The following ESCO1 variants were observed in gnomAD, a reference collection of about 807,000 sequenced individuals.
The protein encoded by ESCO1 is N-acetyltransferase ESCO1.
ESCO1 carries 33 observed loss-of-function variants against 83.5 expected under a neutral mutation model. The observed-to-expected ratio is 0.40, with a 90% CI of 0.30 to 0.53. ESCO1 has a LOEUF of 0.53. Ranked by LOEUF, ESCO1 falls within the 20% of genes least tolerant of loss-of-function variation. ESCO1 has a pLI of 0.63. For missense variants in ESCO1, 855 were observed against 968.0 expected (o/e 0.88, Z 1.55); for synonymous variants, 332 against 324.3 (o/e 1.02, Z -0.25).
intron 2 of ESCO1, among the ~76,000 whole-genome samples, chr18:21,581,917 T>TAA (rs758873985): frequency 1.6e-5 from 2 of 124,682 alleles, no homozygotes; most frequent in Non-Finnish European, 3.4e-5. Flanking sequence ...TCATCTATAC[T>TAA]AAAAAAAAAA....
At chr18:21,545,590 T>C (rs1440344800) in intron 8 of ESCO1, among the ~76,000 whole-genome samples, 1 of 150,208 alleles carries the variant, frequency 6.7e-6, no homozygotes, top group East Asian at 2.0e-4. Flanking sequence ...AAAAAAAAAT[T>C]TACTAAAGGA....
chr18:21,559,025 A>C (rs550021213), intron 8 of ESCO1, among the ~76,000 whole-genome samples: 2 of 152,354 alleles, frequency 1.3e-5, no homozygotes, highest in Admixed American at 1.3e-4. Context: ...GTCACAACCC[A>C]AAATCTAGAA....
At position 21,574,133 on chromosome 18, in the gene ESCO1, C is replaced by T. The variant is rs2038382752; in HGVS notation, c.711G>A (p.Thr237=). 3.7e-6 allele frequency: 6 copies of T among 1,613,726 alleles called. No homozygotes were observed. The highest frequency in any genetic ancestry group is 1.1e-5 in the South Asian group (1 of 91,074). ...CCTCAGAAGTTACAGGCACAGGTTT[C>T]GTTTCGTCTCTTCTAGTAGTCTTCT... is the stretch of plus-strand genomic sequence containing the variant. ...CPQKTTRRDE[T]KPVPVTSEVK... Residue 237 remains threonine (T), a synonymous_variant, in exon 4 of 12, where the codon ACG becomes ACA. Transcript: ENST00000269214.
At position 21,564,268 on chromosome 18, in the gene ESCO1, T is replaced by A. The variant is rs556678584; in HGVS notation, c.1756A>T (p.Ile586Leu). 1 of 1,612,474 alleles carries A rather than the reference T, an allele frequency of 6.2e-7. No homozygotes were observed. Among genetic ancestry groups the A allele is most frequent in the Admixed American group, 1.7e-5 (1 of 59,886 alleles). Residue 586 changes from isoleucine (I) to leucine (L), a missense_variant, in exon 7 of 12, where the codon ATA (isoleucine) becomes TTA (leucine). Ile to Leu is a conservative substitution (Grantham distance 5). Coordinates refer to ENST00000269214, the MANE Select transcript of ESCO1 (RefSeq NM_052911.3). ...AGTTTCAAGTCCTTTGGAATTGTTA[T>A]CTCCAAATGGGAATTACACTTAGGC... ...SLPKCNSHLE[I>L]TIPKDLKLKE...
At chr18:21,579,794 G>GCGCGCGCACACA (rs1192534759) in intron 2 of ESCO1, among the ~76,000 whole-genome samples, 6 of 37,124 alleles carry the variant, frequency 1.6e-4, no homozygotes, top group Admixed American at 5.2e-4. Context: ...ACGCGCGCGC[G>GCGCGCGCACACA]CACACACACA....
chr18:21,595,005 C>T (rs933408427), intron 1 of ESCO1, among the ~76,000 whole-genome samples: 19 of 147,770 alleles, frequency 1.3e-4, no homozygotes, highest in Admixed American at 1.2e-3. Flanking sequence ...AGAGCACCAC[C>T]ATGTCTGGCT....
In ESCO1 at chr18:21,573,631, T is replaced by G. The variant is rs751944040; in HGVS notation, c.1213A>C (p.Asn405His). 6.2e-7 allele frequency: 1 copy of G among 1,614,154 alleles called. No individual in the cohort carries two copies. The highest frequency in any genetic ancestry group is 8.5e-7 in the Non-Finnish European group (1 of 1,180,028). Residue 405 changes from asparagine to histidine, a missense_variant, in exon 4 of 12, where the codon AAT becomes CAT. Asn to His is a moderately conservative substitution (Grantham distance 68, BLOSUM62 1). Around this residue, in one of 2 missense-constraint regions of ESCO1, gnomAD observed 726 missense variants for 699.5 expected, o/e 1.04. Coordinates refer to ENST00000269214, the MANE Select transcript of ESCO1 (RefSeq NM_052911.3). ...GGGGAAACTTGAGAGTCCAACTTAT[T>G]GTGCTGCACAGAGTTAAATTTTGAG... ...KLSKFNSVQH[N>H]KLDSQVSPKL...
In ESCO1 at chr18:21,540,833, G is replaced by A. The variant is rs73425798; in HGVS notation, c.1954-824C>T. 1,546 of 738,660 alleles carry A rather than the reference G, an allele frequency of 2.1e-3. 23 individuals carry two copies. The African/African-American group carries it at 0.028, about 14-fold the overall frequency. The allele number at this position is 738,660 out of a possible 1,614,324, so 45.8% of individuals were successfully genotyped here. On this transcript the variant is annotated intron_variant, in intron 8 of 11. Coordinates refer to ENST00000269214, the MANE Select transcript of ESCO1 (RefSeq NM_052911.3). ...ATGAGCTTAACTAGTTGTTCCAGTT[G>A]TCTTAACCCAACCAACTTTACATAA...
intron 1 of ESCO1, among the ~76,000 whole-genome samples, chr18:21,589,761 A>G (rs2038636323): frequency 6.6e-6 from 1 of 152,162 alleles, no homozygotes. Flanking sequence ...TCTACCGAGA[A>G]CATCAGACCT....
At chr18:21,531,751 C>G (rs913731103) in intron 11 of ESCO1, among the ~76,000 whole-genome samples, 1 of 151,696 alleles carries the variant, frequency 6.6e-6, no homozygotes, top group East Asian at 2.0e-4. Flanking sequence ...ACCAGGAGTT[C>G]GAGAGGTGGT....
intron 2 of ESCO1, 142 bp from the exon 3 acceptor site, chr18:21,575,919 C>T (rs899905175): frequency 1.5e-5 from 6 of 389,356 alleles, no homozygotes; most frequent in East Asian, 3.7e-5. Flanking sequence ...TCATATTACA[C>T]GTACAGTATT....
At chr18:21,541,660 A>G (rs2037910092) in intron 8 of ESCO1, among the ~76,000 whole-genome samples, 1 of 151,802 alleles carries the variant, frequency 6.6e-6, no homozygotes, top group Admixed American at 6.6e-5. Flanking sequence ...TAGGTAAACA[A>G]TTTTTAGAAG....
intron 10 of ESCO1, among the ~76,000 whole-genome samples, chr18:21,534,489 G>A (rs962142257): frequency 6.6e-6 from 1 of 152,174 alleles, no homozygotes; most frequent in Admixed American, 6.5e-5. Flanking sequence ...TCTTAGAATG[G>A]TCTCGGCAGT....
intron 8 of ESCO1, among the ~76,000 whole-genome samples, chr18:21,558,726 C>CAAAA (rs59435992): frequency 2.3e-5 from 2 of 87,714 alleles, no homozygotes; most frequent in Non-Finnish European, 4.5e-5. Flanking sequence ...GACTCTGCCT[C>CAAAA]AAAAAAAAAA....
At chr18:21,577,047 A>G (rs1422584231) in intron 2 of ESCO1, among the ~76,000 whole-genome samples, 2 of 150,824 alleles carry the variant, frequency 1.3e-5, no homozygotes, top group Non-Finnish European at 3.0e-5. Context: ...AAAAAAAAAG[A>G]AAATGGGACT....
intron 1 of ESCO1, among the ~76,000 whole-genome samples, chr18:21,600,277 C>CG (rs2038824912): frequency 6.6e-6 from 1 of 152,240 alleles, no homozygotes; most frequent in African/African-American, 2.4e-5. Context: ...CGCGCCACCT[C>CG]GGGGCTCCCG....
chr18:21,577,282 GGGAGGC>G (rs2038431174), intron 2 of ESCO1, among the ~76,000 whole-genome samples: 1 of 146,628 alleles, frequency 6.8e-6, no homozygotes, highest in African/African-American at 2.5e-5. Context: ...ACTTGAACCT[GGGAGGC>G]GGAGGTTGCA....
intron 8 of ESCO1, among the ~76,000 whole-genome samples, chr18:21,559,392 C>T (rs906473810): frequency 1.3e-5 from 2 of 152,194 alleles, no homozygotes; most frequent in African/African-American, 4.8e-5. Flanking sequence ...ATGATGACTC[C>T]ACCTTGTTCC....
chr18:21,557,259 A>G (rs1455203399), intron 8 of ESCO1, among the ~76,000 whole-genome samples: 1 of 152,222 alleles, frequency 6.6e-6, no homozygotes, highest in Non-Finnish European at 1.5e-5. Flanking sequence ...AAGTATCACA[A>G]TTTGACTTGA....
Sources: gnomAD v4.1 joint callset for allele counts (sites outside exome capture counted in the v4.1 genomes callset) on GRCh38, gnomAD v4.1.1 for gene constraint, gnomAD v4.1.1 regional missense constraint, MANE v1.5 for transcripts, NCBI Gene and HGNC (gene_info 2026-07-23, HGNC 2026-07-21) for gene names.